Variants in ADAMTS13 observed in about 807,000 individuals in gnomAD.
ADAMTS13 encodes ADAM metallopeptidase with thrombospondin type 1 motif 13.
ADAMTS13 carries 110 observed loss-of-function variants against 155.1 expected under a neutral mutation model. The ratio of observed to expected loss-of-function variants is 0.71; its 90% CI spans 0.61 to 0.83. The LOEUF (loss-of-function observed/expected upper bound fraction) is 0.83. ADAMTS13 is among the 40% of genes least tolerant of loss of function. The pLI, the probability that ADAMTS13 is intolerant of heterozygous loss-of-function variation, is 0.00. For missense variants in ADAMTS13, 1,707 were observed against 1,891.7 expected (o/e 0.90, Z 1.81); for synonymous variants, 758 against 756.4 (o/e 1.00, Z -0.03).
upstream of ADAMTS13, among the ~76,000 whole-genome samples, chr9:133,419,223 T>C (rs150293584): frequency 6.6e-6 from 1 of 152,150 alleles, no homozygotes; most frequent in African/African-American, 2.4e-5. Context: ...GATTTTGGTC[T>C]GAGCAATTGG....
chr9:133,455,751 G>A, intron 25 of ADAMTS13: 2 of 1,149,342 alleles, frequency 1.7e-6, no homozygotes, highest in Non-Finnish European at 2.5e-6. Context: ...TTTCTCCCTG[G>A]CAAAGCAAAA....
At chr9:133,449,296 A>T (rs1554793539) in intron 22 of ADAMTS13, among the ~76,000 whole-genome samples, 1 of 152,074 alleles carries the variant, frequency 6.6e-6, no homozygotes, top group Non-Finnish European at 1.5e-5. Context: ...CACAGCAGAG[A>T]ACAAGGCAGA....
intron 21 of ADAMTS13, among the ~76,000 whole-genome samples, chr9:133,446,934 T>G (rs1487517062): frequency 6.6e-6 from 1 of 152,208 alleles, no homozygotes; most frequent in Non-Finnish European, 1.5e-5. Flanking sequence ...CTTGGCTCAT[T>G]GTAACCTTCG....
At chr9:133,457,115 C>T (rs1842795868) in intron 27 of ADAMTS13, 1 of 340,960 alleles carries the variant, frequency 2.9e-6, no homozygotes, top group Non-Finnish European at 5.8e-6. Flanking sequence ...CATGCTTGTA[C>T]ATGCATGTGC....
chr9:133,455,037 G>A (rs920641890), intron 24 of ADAMTS13, among the ~76,000 whole-genome samples: 1 of 152,146 alleles, frequency 6.6e-6, no homozygotes, highest in African/African-American at 2.4e-5. Flanking sequence ...CTTGCTCTAA[G>A]GCTTGGAGGG....
chr9:133,440,653 C>T lies in ADAMTS13; in HGVS notation c.1968+128C>T. On this transcript the variant is annotated intron_variant, in intron 16 of 28. Transcript: ENST00000355699. This position sits in a 1 kb window ranked among gnomAD's most constrained non-coding sequence, Gnocchi z 4.3. Reference sequence around the variant, plus strand: ...TCATTCAGCGGTCACTTACAGGGGACCCACTATGTGTTGGGCCCTGTGCTA... The same window carrying T: ...TCATTCAGCGGTCACTTACAGGGGATCCACTATGTGTTGGGCCCTGTGCTA... The T allele has an allele frequency of 8.4e-7, 1 of 1,189,724 alleles. No individual in the cohort carries two copies. Among genetic ancestry groups the T allele is most frequent in the Non-Finnish European group, 1.2e-6 (1 of 867,978 alleles). The allele number at this position is 1,189,724 out of a possible 1,614,324, so 73.7% of individuals were successfully genotyped here.
rs781953715 is a variant in ADAMTS13 at position 133,456,051 on chromosome 9, C to T, written c.3401-18C>T. On this transcript the variant is annotated intron_variant, in intron 25 of 28. Transcript: ENST00000355699. This position sits in a 1 kb window ranked among gnomAD's most constrained non-coding sequence, Gnocchi z 4.4. ...AATCGGGGAAGCACTGCTTACCTGTCTCCTGCTCCCTTTTCAGGTGCCTGT... is the reference window on the plus strand; with the variant it reads ...AATCGGGGAAGCACTGCTTACCTGTTTCCTGCTCCCTTTTCAGGTGCCTGT... 7.3e-5 allele frequency: 117 copies of T among 1,613,042 alleles called. No homozygotes were observed. The highest frequency in any genetic ancestry group is 9.7e-5 in the Non-Finnish European group (114 of 1,180,034).
chr9:133,452,098 T>C (rs587610292), intron 23 of ADAMTS13, among the ~76,000 whole-genome samples: 1 of 150,638 alleles, frequency 6.6e-6, no homozygotes, highest in East Asian at 1.9e-4. Flanking sequence ...GTCTGGGCTT[T>C]CTACTGGGTT....
chr9:133,447,695 T>G (rs946000314), intron 21 of ADAMTS13, among the ~76,000 whole-genome samples: 22 of 152,180 alleles, frequency 1.4e-4, no homozygotes, highest in African/African-American at 4.6e-4. Context: ...TTCAAACGAT[T>G]CTCATGCCTC....
intron 12 of ADAMTS13, 55 bp downstream of exon 12, chr9:133,437,010 AC>A: frequency 6.4e-7 from 1 of 1,563,878 alleles, no homozygotes; most frequent in East Asian, 2.3e-5. Context: ...AGACCCTCGG[AC>A]AGGGCAGAGT....
In ADAMTS13 at chr9:133,444,941, A is replaced by G; in HGVS notation, c.2499A>G (p.Pro833=). The change falls in exon 20 of 29, where the codon CCA becomes CCG. Residue 833 remains proline, a synonymous_variant. Transcript: ENST00000355699. Reference sequence around the variant, plus strand: ...CCTTGGAGAACGAGACCTGTGTGCCAGGGGCAGATGGCCTGGAGGCTCCAG... The same window carrying G: ...CCTTGGAGAACGAGACCTGTGTGCCGGGGGCAGATGGCCTGGAGGCTCCAG... The part of the protein sequence containing the change: ...GLALENETCV[P]GADGLEAPVT... 3 of 1,613,466 alleles carry G rather than the reference A, an allele frequency of 1.9e-6. No individual in the cohort carries two copies. Among genetic ancestry groups the G allele is most frequent in the African/African-American group, 1.3e-5 (1 of 75,054 alleles).
intron 8 of ADAMTS13, among the ~76,000 whole-genome samples, chr9:133,431,706 A>T (rs1840780424): frequency 6.7e-6 from 1 of 150,316 alleles, no homozygotes. Context: ...CCAGGCTGGA[A>T]TGCAGTGGCT....
chr9:133,448,528 C>T, intron 21 of ADAMTS13, 71 bp from the exon 22 acceptor site: 2 of 1,595,338 alleles, frequency 1.3e-6, no homozygotes, highest in Middle Eastern at 1.7e-4. Context: ...TAGAGGTGTC[C>T]AGTGAGCCTG....
chr9:133,418,479 C>T (rs1186845612), upstream of ADAMTS13, among the ~76,000 whole-genome samples: 1 of 152,176 alleles, frequency 6.6e-6, no homozygotes, highest in Non-Finnish European at 1.5e-5. Context: ...CAGGACGAGC[C>T]GCAGACAAGA....
At chr9:133,422,797 G>A (rs963632333) in intron 1 of ADAMTS13, among the ~76,000 whole-genome samples, 5 of 151,856 alleles carry the variant, frequency 3.3e-5, no homozygotes, top group Non-Finnish European at 7.4e-5. Context: ...AACTGTGTAG[G>A]TTGCTCTTCT....
chr9:133,431,163 C>T (rs1281058615), intron 8 of ADAMTS13, among the ~76,000 whole-genome samples: 1 of 151,346 alleles, frequency 6.6e-6, no homozygotes, highest in Non-Finnish European at 1.5e-5. Flanking sequence ...TGGGGTCTCC[C>T]TTTGTTACCC....
chr9:133,442,160 G>T (rs1391789831), intron 16 of ADAMTS13, among the ~76,000 whole-genome samples: 1 of 152,108 alleles, frequency 6.6e-6, no homozygotes, highest in African/African-American at 2.4e-5. Context: ...TGTTGGCCAG[G>T]CTGGAGTGCT....
rs900975405 is a variant in ADAMTS13, at chr9:133,456,128, C to G, written c.3460C>G (p.Gln1154Glu). 6.2e-7 allele frequency: 1 copy of G among 1,613,410 alleles called. No homozygotes were observed. ...AACCATTGACATGCGAGGCCCAGGGCAGGCAGACTGTGCAGTGGCCATTGG... is the reference window on the plus strand; with the variant it reads ...AACCATTGACATGCGAGGCCCAGGGGAGGCAGACTGTGCAGTGGCCATTGG... ...TGTIDMRGPG[Q>E]ADCAVAIGRP... is the part of the protein sequence containing the mutation. Residue 1154 changes from glutamine to glutamate, a missense_variant, in exon 26 of 29, where the codon CAG becomes GAG. Physicochemically the swap from Gln to Glu is conservative, Grantham distance 29. Coordinates refer to ENST00000355699, the MANE Select transcript of ADAMTS13 (RefSeq NM_139027.6). This position sits in a 1 kb window ranked among gnomAD's most constrained non-coding sequence, Gnocchi z 4.4.
chr9:133,459,223 G>T lies in ADAMTS13; in HGVS notation c.*43G>T. 1 of 1,551,870 alleles carries T rather than the reference G, an allele frequency of 6.4e-7. No homozygotes were observed. Among genetic ancestry groups the T allele is most frequent in the African/African-American group, 1.4e-5 (1 of 73,684 alleles). On this transcript the variant is annotated 3_prime_UTR_variant, in exon 29 of 29. Transcript: ENST00000355699. The stretch of plus-strand genomic sequence containing the variant: ...TTCCGTGTCTGGCCAGCCCTGGAGG[G>T]TTGACCCCTGGTCTCAGTGCTTTCC...
Sources: gnomAD v4.1 joint callset for allele counts (sites outside exome capture counted in the v4.1 genomes callset) on GRCh38, gnomAD v4.1.1 for gene constraint, Gnocchi (gnomAD v3.1) non-coding constraint, MANE v1.5 for transcripts, NCBI Gene and HGNC (gene_info 2026-07-23, HGNC 2026-07-21) for gene names.